Variants in HSD17B12 observed in about 807,000 individuals in gnomAD.
The protein encoded by HSD17B12 is hydroxysteroid 17-beta dehydrogenase 12, also known as very-long-chain 3-oxoacyl-CoA reductase.
Under a neutral mutation model 39.3 loss-of-function variants are expected in HSD17B12, and 32 were observed. The observed-to-expected ratio is 0.81, with a 90% CI of 0.61 to 1.09. The LOEUF is 1.09. HSD17B12 is among the 50% of genes least tolerant of loss of function. HSD17B12 has a pLI of 0.00. For synonymous variants in HSD17B12, 150 were observed against 146.7 expected (o/e 1.02, Z -0.16); for missense variants, 342 against 382.9 (o/e 0.89, Z 0.89).
At chr11:43,734,458 C>T (rs1263624014) in intron 1 of HSD17B12, 2 of 702,820 alleles carry the variant, frequency 2.8e-6, no homozygotes, top group East Asian at 2.8e-5. Flanking sequence ...ACAGCCTGAT[C>T]GAGCTGTGTA....
At chr11:43,644,101 C>T in the HSD17B12 span, 1 of 152,206 alleles carries the variant, frequency 6.6e-6, no homozygotes, top group Non-Finnish European at 1.5e-5. Context: ...AAAGTAGGTG[C>T]AACAATTGGC....
At chr11:43,749,696 C>T (rs1950447616) in intron 1 of HSD17B12, among the ~76,000 whole-genome samples, 2 of 150,672 alleles carry the variant, frequency 1.3e-5, no homozygotes, top group Admixed American at 1.3e-4. Flanking sequence ...TGAAAGTCTA[C>T]AAGATTATGA....
chr11:43,676,099 C>T (rs1480792022), upstream of HSD17B12, among the ~76,000 whole-genome samples: 3 of 150,270 alleles, frequency 2.0e-5, no homozygotes, highest in African/African-American at 4.9e-5. Flanking sequence ...GCGGTAAGAG[C>T]GGGAAAAAAA....
chr11:43,671,045 T>A, the HSD17B12 span, among the ~76,000 whole-genome samples: 1 of 152,172 alleles, frequency 6.6e-6, no homozygotes, highest in Non-Finnish European at 1.5e-5. Flanking sequence ...AAAGAAAACC[T>A]CCTCAAATTC....
the HSD17B12 span, among the ~76,000 whole-genome samples, chr11:43,619,851 C>T: frequency 6.6e-6 from 1 of 152,202 alleles, no homozygotes; most frequent in East Asian, 1.9e-4. Flanking sequence ...TACCGAAGCT[C>T]ATCTTTGTAG....
the HSD17B12 span, among the ~76,000 whole-genome samples, chr11:43,592,128 AT>A: frequency 4.6e-5 from 7 of 151,916 alleles, no homozygotes; most frequent in South Asian, 2.1e-4. Flanking sequence ...TTCATCTCAA[AT>A]TTTTTTTCTG....
rs1951011687 is a variant in HSD17B12, at chr11:43,805,716, T to C, written c.391+7289T>C. On this transcript the variant is annotated intron_variant, in intron 4 of 10. Coordinates refer to ENST00000278353, the MANE Select transcript of HSD17B12 (RefSeq NM_016142.3). The stretch of plus-strand genomic sequence containing the variant: ...TAAAACACTTCCAAAACTTCCCTTT[T>C]GTAATACTGCAATCACATTTTGTTG... Among the ~76,000 whole-genome samples the C allele has an allele frequency of 3.9e-5, 6 of 152,280 alleles. No homozygotes were observed. The South Asian group carries it at 1.2e-3, about 32-fold the overall frequency.
chr11:43,624,120 C>G, the HSD17B12 span, among the ~76,000 whole-genome samples: 3 of 151,888 alleles, frequency 2.0e-5, no homozygotes, highest in Admixed American at 6.6e-5. Context: ...CTTGTTTGTC[C>G]TCACTGATCA....
the HSD17B12 span, among the ~76,000 whole-genome samples, chr11:43,617,918 A>G: frequency 2.0e-5 from 3 of 152,216 alleles, no homozygotes; most frequent in African/African-American, 7.2e-5. Context: ...TGAGCCATGT[A>G]TTATGAAGAT....
chr11:43,604,821 T>C, the HSD17B12 span, among the ~76,000 whole-genome samples: 1 of 152,246 alleles, frequency 6.6e-6, no homozygotes, highest in Admixed American at 6.5e-5. Flanking sequence ...TTTTCAATCA[T>C]GTCTTAGTAG....
chr11:43,771,708 C>T (rs946713105), intron 3 of HSD17B12, among the ~76,000 whole-genome samples: 1 of 152,024 alleles, frequency 6.6e-6, no homozygotes, highest in African/African-American at 2.4e-5. Flanking sequence ...CTCAAGTGAT[C>T]GACCCACCTC....
the HSD17B12 span, among the ~76,000 whole-genome samples, chr11:43,564,266 C>T: frequency 6.6e-6 from 1 of 152,228 alleles, no homozygotes; most frequent in African/African-American, 2.4e-5. Context: ...CAGAGAAGAC[C>T]TGCTCTGCAG....
At chr11:43,754,865 C>T in intron 3 of HSD17B12, 3 of 759,624 alleles carry the variant, frequency 3.9e-6, no homozygotes, top group Non-Finnish European at 2.4e-6. Context: ...TTTGAACTTT[C>T]TTCTTAGGCA....
chr11:43,681,020 C>A, intron 1 of HSD17B12, 33 bp downstream of exon 1: 1 of 1,551,694 alleles, frequency 6.4e-7, no homozygotes, highest in Non-Finnish European at 8.7e-7. Context: ...TCCTCGCTCC[C>A]GCGGCGGCCC....
At chr11:43,637,127 A>G in the HSD17B12 span, among the ~76,000 whole-genome samples, 7 of 152,062 alleles carry the variant, frequency 4.6e-5, no homozygotes, top group African/African-American at 7.2e-5. Context: ...AACAGTGCCT[A>G]TCACCTAGAA....
At chr11:43,696,027 G>A (rs1949908743) in intron 1 of HSD17B12, among the ~76,000 whole-genome samples, 1 of 152,058 alleles carries the variant, frequency 6.6e-6, no homozygotes, top group Admixed American at 6.5e-5. Flanking sequence ...CCATGTGTAT[G>A]TTGTTTCCCT....
the HSD17B12 span, among the ~76,000 whole-genome samples, chr11:43,630,464 C>G: frequency 6.6e-6 from 1 of 152,138 alleles, no homozygotes; most frequent in South Asian, 2.1e-4. Context: ...CTGTTTGCTA[C>G]TCATGCCTCT....
At chr11:43,712,155 G>T (rs1185929935) in intron 1 of HSD17B12, among the ~76,000 whole-genome samples, 1 of 152,150 alleles carries the variant, frequency 6.6e-6, no homozygotes, top group Non-Finnish European at 1.5e-5. Flanking sequence ...TCAGCCTGGC[G>T]CAGTGGCTCA....
At chr11:43,575,555 C>T in the HSD17B12 span, among the ~76,000 whole-genome samples, 10 of 152,342 alleles carry the variant, frequency 6.6e-5, no homozygotes, top group South Asian at 1.5e-3. The surrounding 1 kb of genome is among the most constrained non-coding windows in gnomAD (Gnocchi z 4.1). Flanking sequence ...CCCGCTTGCC[C>T]GGTGCAGACT....
Sources: gnomAD v4.1 joint callset for allele counts (sites outside exome capture counted in the v4.1 genomes callset) on GRCh38, gnomAD v4.1.1 for gene constraint, Gnocchi (gnomAD v3.1) non-coding constraint, MANE v1.5 for transcripts, NCBI Gene and HGNC (gene_info 2026-07-23, HGNC 2026-07-21) for gene names.